The following MYO1B variants were observed in gnomAD, a reference collection of about 807,000 sequenced individuals.
The protein encoded by MYO1B is myosin IB.
MYO1B carries 72 observed loss-of-function variants against 159.7 expected under a neutral mutation model. The ratio of observed to expected loss-of-function variants is 0.45; its 90% CI spans 0.37 to 0.55. The LOEUF (loss-of-function observed/expected upper bound fraction) is 0.55. Among genes scored for constraint, MYO1B ranks in the 20% least tolerant of loss-of-function variants. The probability of loss-of-function intolerance (pLI) is 0.00; values close to 1 mark genes in which losing one functional copy is unlikely to be tolerated. For missense variants in MYO1B, 1,062 were observed against 1,364.8 expected, an observed-to-expected ratio of 0.78 and a Z score of 3.50; for synonymous variants, 468 against 473.8, an observed-to-expected ratio of 0.99 and a Z score of 0.16.
Position 191,328,128 on chromosome 2 carries a change from C to CT in MYO1B, c.252-1804dup, listed in dbSNP as rs141503539. ...CATGTCATCTCTTAAGACCATGTTT[C>CT]TTTAAGGAGGCTAGCATTTAATTTG... On this transcript the variant is annotated intron_variant, in intron 3 of 30. Coordinates refer to ENST00000392318, the MANE Select transcript of MYO1B (RefSeq NM_001130158.3). 2.5e-3 allele frequency among the ~76,000 whole-genome samples: 380 copies of CT among 152,298 alleles called. 8 individuals carry two copies. In the East Asian group the frequency reaches 0.055, roughly 22 times the overall value.
At chr2:191,373,976 A>G (rs1694539733) in intron 13 of MYO1B, among the ~76,000 whole-genome samples, 1 of 152,004 alleles carries the variant, frequency 6.6e-6, no homozygotes. Context: ...AAATAAATTT[A>G]TTTGTGGGGA....
chr2:191,349,689 T>C (rs1692788948), intron 6 of MYO1B, among the ~76,000 whole-genome samples: 1 of 152,212 alleles, frequency 6.6e-6, no homozygotes, highest in African/African-American at 2.4e-5. Context: ...CATAATCTTG[T>C]ATTTGATTTG....
At chr2:191,382,182 G>C (rs1695081079) in intron 14 of MYO1B, among the ~76,000 whole-genome samples, 1 of 151,822 alleles carries the variant, frequency 6.6e-6, no homozygotes, top group Non-Finnish European at 1.5e-5. Flanking sequence ...AAATAAAAAG[G>C]AATTGTTATG....
chr2:191,290,263 A>G (rs1026674581), intron 2 of MYO1B, among the ~76,000 whole-genome samples: 10 of 151,982 alleles, frequency 6.6e-5, no homozygotes, highest in African/African-American at 2.2e-4. Context: ...CTTTTCTATT[A>G]GTGGCCATTG....
chr2:191,286,749 A>T (rs370154966), intron 2 of MYO1B, among the ~76,000 whole-genome samples: 2 of 152,190 alleles, frequency 1.3e-5, no homozygotes, highest in East Asian at 3.9e-4. Flanking sequence ...CCTGGGCAAC[A>T]TGATGAAACC....
rs1194875703 is a variant in MYO1B at position 191,414,390 on chromosome 2, G to A, written c.3007-127G>A. On this transcript the variant is annotated intron_variant, in intron 28 of 30. Coordinates refer to ENST00000392318, the MANE Select transcript of MYO1B (RefSeq NM_001130158.3). The stretch of plus-strand genomic sequence containing the variant: ...ACATATTATTTATGTTCTTTACTGC[G>A]TTCTTGGTTTACATAGGTATGTTTG... 3.1e-5 allele frequency: 33 copies of A among 1,052,068 alleles called. No homozygotes were observed. In the East Asian group the frequency reaches 4.0e-4, roughly 13 times the overall value. The allele number at this position is 1,052,068 out of a possible 1,614,324, so 65.2% of individuals were successfully genotyped here.
intron 11 of MYO1B, among the ~76,000 whole-genome samples, chr2:191,365,672 G>A (rs1233595216): frequency 6.6e-6 from 1 of 152,192 alleles, no homozygotes; most frequent in Non-Finnish European, 1.5e-5. Context: ...GGAAGTAAGA[G>A]GTTAGGGAAG....
chr2:191,365,037 G>A (rs1245048116), intron 11 of MYO1B, among the ~76,000 whole-genome samples: 1 of 152,134 alleles, frequency 6.6e-6, no homozygotes, highest in Non-Finnish European at 1.5e-5. Flanking sequence ...TTTAGTCTTT[G>A]TAAGACACAA....
chr2:191,408,235 A>G, intron 25 of MYO1B, 46 bp downstream of exon 25: 1 of 1,407,234 alleles, frequency 7.1e-7, no homozygotes, highest in Admixed American at 1.7e-5. Context: ...TTGTGGAATT[A>G]CCCACCTAAT....
Position 191,328,425 on chromosome 2 carries a change from AG to A in MYO1B, c.252-1508del, listed in dbSNP as rs1691244838. ...ACCCTGTGGTCTATGCAAAATGCAAAGGTGCTTTATCCCAGTGGTCAGTCGC... is the reference window on the plus strand; with the variant it reads ...ACCCTGTGGTCTATGCAAAATGCAAAGTGCTTTATCCCAGTGGTCAGTCGC... On this transcript the variant is annotated intron_variant, in intron 3 of 30. Transcript: ENST00000392318. Among the ~76,000 whole-genome samples the A allele has an allele frequency of 2.6e-5, 4 of 152,154 alleles. No individual in the cohort carries two copies. In the South Asian group the frequency reaches 8.3e-4, roughly 32 times the overall value.
At chr2:191,364,710 T>C (rs1482501402) in intron 11 of MYO1B, among the ~76,000 whole-genome samples, 1 of 152,036 alleles carries the variant, frequency 6.6e-6, no homozygotes, top group Non-Finnish European at 1.5e-5. Context: ...GAAAAAGGAG[T>C]GAAAGCGAGG....
intron 9 of MYO1B, among the ~76,000 whole-genome samples, chr2:191,362,861 TTGACA>T (rs1425634423): frequency 2.0e-5 from 3 of 152,342 alleles, no homozygotes; most frequent in African/African-American, 4.8e-5. Flanking sequence ...TGTGATACAC[TTGACA>T]TGATATGGTA....
intron 3 of MYO1B, among the ~76,000 whole-genome samples, chr2:191,297,052 A>G (rs981766434): frequency 2.0e-5 from 3 of 152,198 alleles, no homozygotes; most frequent in Admixed American, 6.5e-5. Flanking sequence ...TAAACTTTTT[A>G]TTTCTCAAAA....
intron 30 of MYO1B, 127 bp from the exon 31 acceptor site, chr2:191,423,710 G>A (rs1481578722): frequency 2.7e-5 from 25 of 936,670 alleles, no homozygotes; most frequent in Middle Eastern, 2.8e-4. Flanking sequence ...TCAGATTTTC[G>A]GATTAGGTTA....
At chr2:191,282,972 T>C (rs578188526) in intron 2 of MYO1B, among the ~76,000 whole-genome samples, 1 of 152,342 alleles carries the variant, frequency 6.6e-6, no homozygotes, top group Admixed American at 6.5e-5. Context: ...CCTTCCAGAG[T>C]GTAGCTTTGG....
At chr2:191,360,970 C>T (rs1693633615) in intron 8 of MYO1B, among the ~76,000 whole-genome samples, 1 of 152,148 alleles carries the variant, frequency 6.6e-6, no homozygotes, top group Non-Finnish European at 1.5e-5. Flanking sequence ...AAACATACTC[C>T]ATATGCTTTG....
In MYO1B at chr2:191,336,234, T is replaced by A. The variant is rs1030713948; in HGVS notation, c.347-5227T>A. Among the ~76,000 whole-genome samples, 3 of 152,218 alleles carry A rather than the reference T, an allele frequency of 2.0e-5. No individual in the cohort carries two copies. The East Asian group carries it at 5.8e-4, about 29-fold the overall frequency. On this transcript the variant is annotated intron_variant, in intron 4 of 30. Coordinates refer to ENST00000392318, the MANE Select transcript of MYO1B (RefSeq NM_001130158.3). ...CTTCAGCCATCTGCTAGAAGAGTTA[T>A]GAAGCCTGCCTTGCTCATTAAGACC...
At chr2:191,312,516 T>C (rs956880665) in intron 3 of MYO1B, among the ~76,000 whole-genome samples, 2 of 152,246 alleles carry the variant, frequency 1.3e-5, no homozygotes, top group East Asian at 3.8e-4. Flanking sequence ...ATATGACTTT[T>C]ATTTATCTTA....
chr2:191,392,313 A>G (rs1695804505), intron 19 of MYO1B, 112 bp downstream of exon 19: 2 of 677,512 alleles, frequency 3.0e-6, no homozygotes, highest in Non-Finnish European at 4.9e-6. Flanking sequence ...GAATGCCACA[A>G]AACACTTGTG....
Sources: allele counts gnomAD v4.1 joint callset (sites outside exome capture counted in the v4.1 genomes callset), GRCh38; gene constraint gnomAD v4.1.1; transcripts MANE v1.5; gene names NCBI Gene and HGNC (gene_info 2026-07-23, HGNC 2026-07-21).